Variants in CD226 observed in about 807,000 individuals in gnomAD.
CD226 encodes the protein CD226 molecule.
Under a neutral mutation model 34.9 loss-of-function variants are expected in CD226, and 24 were observed. The observed-to-expected ratio is 0.69, with a 90% CI of 0.50 to 0.97. The LOEUF is 0.97. Ranked by LOEUF, CD226 falls within the 50% of genes least tolerant of loss-of-function variation. CD226 has a pLI of 0.00. For missense variants in CD226, 397 were observed against 412.7 expected (o/e 0.96, Z 0.33); for synonymous variants, 148 against 147.4 (o/e 1.00, Z -0.03).
intron 3 of CD226, among the ~76,000 whole-genome samples, chr18:69,887,605 T>C (rs998126030): frequency 6.6e-6 from 1 of 152,190 alleles, no homozygotes; most frequent in African/African-American, 2.4e-5. Flanking sequence ...TCACTCACTG[T>C]CCAACATAGC....
intron 2 of CD226, among the ~76,000 whole-genome samples, chr18:69,946,024 T>A (rs1322039403): frequency 2.6e-5 from 4 of 151,162 alleles, no homozygotes; most frequent in African/African-American, 7.3e-5. Context: ...CCACAACACA[T>A]GGGAATTCAA....
chr18:69,864,294 C>A lies in CD226; in HGVS notation c.*20G>T, dbSNP rs1982995377. ...GAGTACATAAGAGTCATTACTAATG[C>A]ACTCATGTCAAGAATAAGCTTAAAC... On this transcript the variant is annotated 3_prime_UTR_variant, in exon 6 of 6. Transcript: ENST00000582621. 1.2e-6 allele frequency: 2 copies of A among 1,611,916 alleles called. No individual in the cohort carries two copies. The highest frequency in any genetic ancestry group is 2.2e-5 in the East Asian group (1 of 44,814).
chr18:69,883,593 T>A (rs1984390038), intron 3 of CD226, among the ~76,000 whole-genome samples: 1 of 152,186 alleles, frequency 6.6e-6, no homozygotes, highest in Non-Finnish European at 1.5e-5. Context: ...ATTCTTTCCA[T>A]CTAAAAATGA....
chr18:69,866,318 T>C (rs767926842), intron 5 of CD226, among the ~76,000 whole-genome samples: 1 of 152,086 alleles, frequency 6.6e-6, no homozygotes, highest in Non-Finnish European at 1.5e-5. Context: ...ATGCTATGCA[T>C]TAAAGGAAGA....
chr18:69,946,891 A>G lies in CD226; in HGVS notation c.225T>C (p.Tyr75=), dbSNP rs764182003. The change falls in exon 2 of 6, where the codon TAT becomes TAC. Residue 75 remains tyrosine (Y), a synonymous_variant. Transcript: ENST00000582621. Reference sequence around the variant, plus strand: ...AATTCAAAAAGTAAACCCTCTCAGCATAGGGCTTCCTTATGACCATGCCAT... The same window carrying G: ...AATTCAAAAAGTAAACCCTCTCAGCGTAGGGCTTCCTTATGACCATGCCAT... ...PTHGMVIRKP[Y]AERVYFLNST... 2 of 1,614,038 alleles carry G rather than the reference A, an allele frequency of 1.2e-6. No individual in the cohort carries two copies. Among genetic ancestry groups the G allele is most frequent in the African/African-American group, 2.7e-5 (2 of 74,914 alleles).
Position 69,853,469 on chromosome 18 carries a change from C to T in CD226, c.*10845G>A, listed in dbSNP as rs1982530490. 6.6e-6 allele frequency: 1 copy of T among 152,178 alleles called. No homozygotes were observed. Among genetic ancestry groups the T allele is most frequent in the Non-Finnish European group, 1.5e-5 (1 of 68,034 alleles). The allele number at this position is 152,178 out of a possible 1,614,324, so 9.4% of individuals were successfully genotyped here. On this transcript the variant is annotated 3_prime_UTR_variant, in exon 6 of 6. Coordinates refer to ENST00000582621, the MANE Select transcript of CD226 (RefSeq NM_001303618.2). Reference sequence around the variant, plus strand: ...TATAGACATAGAACCCTTGACAATGCTTTACTTCTGTGGCTCCTCTTACCC... The same window carrying T: ...TATAGACATAGAACCCTTGACAATGTTTTACTTCTGTGGCTCCTCTTACCC...
chr18:69,886,024 T>C (rs1340496642), intron 3 of CD226, among the ~76,000 whole-genome samples: 1 of 152,142 alleles, frequency 6.6e-6, no homozygotes, highest in East Asian at 1.9e-4. Context: ...GCTCTGTAGC[T>C]CCACCGTCAC....
chr18:69,939,083 C>G (rs761888491), intron 2 of CD226, among the ~76,000 whole-genome samples: 2 of 152,072 alleles, frequency 1.3e-5, no homozygotes, highest in Non-Finnish European at 2.9e-5. Flanking sequence ...GAGACTCTGT[C>G]TCAAAAAAGG....
At chr18:69,878,586 G>C (rs1277465375) in intron 3 of CD226, among the ~76,000 whole-genome samples, 1 of 152,072 alleles carries the variant, frequency 6.6e-6, no homozygotes, top group East Asian at 1.9e-4. Context: ...CTAAATAACT[G>C]GGCCAAAGAA....
intron 3 of CD226, among the ~76,000 whole-genome samples, chr18:69,888,278 G>C (rs1381449633): frequency 6.6e-6 from 1 of 152,122 alleles, no homozygotes; most frequent in Non-Finnish European, 1.5e-5. Context: ...ACAACCTCAA[G>C]CTGTTAACAA....
chr18:69,888,177 A>G (rs1452682590), intron 3 of CD226, among the ~76,000 whole-genome samples: 1 of 152,198 alleles, frequency 6.6e-6, no homozygotes, highest in Non-Finnish European at 1.5e-5. Flanking sequence ...TATAAGAATA[A>G]CTTATTTTAC....
intron 2 of CD226, among the ~76,000 whole-genome samples, chr18:69,930,249 G>A (rs886231626): frequency 2.0e-5 from 3 of 152,172 alleles, no homozygotes; most frequent in African/African-American, 7.2e-5. Context: ...GATATGAGGT[G>A]TCTATTTTGC....
intron 3 of CD226, among the ~76,000 whole-genome samples, chr18:69,873,800 G>C (rs1298387391): frequency 4.6e-5 from 7 of 152,168 alleles, no homozygotes; most frequent in Admixed American, 2.0e-4. Flanking sequence ...GAACCCCAGA[G>C]GCGGAGCTTG....
intron 3 of CD226, among the ~76,000 whole-genome samples, chr18:69,890,727 T>A (rs926290465): frequency 6.6e-5 from 10 of 151,978 alleles, no homozygotes; most frequent in African/African-American, 2.4e-4. Context: ...CAAACTGAGA[T>A]TCAAATCATG....
upstream of CD226, among the ~76,000 whole-genome samples, chr18:69,961,150 C>T (rs183347852): frequency 3.2e-4 from 49 of 152,224 alleles, no homozygotes; most frequent in African/African-American, 1.1e-3. Flanking sequence ...AAAATTTACA[C>T]GTGTATGTAT....
At chr18:69,899,900 C>T (rs1219922385) in intron 2 of CD226, among the ~76,000 whole-genome samples, 2 of 152,180 alleles carry the variant, frequency 1.3e-5, no homozygotes, top group Non-Finnish European at 1.5e-5. Flanking sequence ...AGCAGAACTA[C>T]CATTTGACCC....
At chr18:69,945,618 C>T (rs943795168) in intron 2 of CD226, among the ~76,000 whole-genome samples, 3 of 152,078 alleles carry the variant, frequency 2.0e-5, no homozygotes, top group African/African-American at 7.2e-5. Flanking sequence ...CTCTGGGAGG[C>T]CGAGGCAGTT....
At chr18:69,940,437 G>A (rs747207070) in intron 2 of CD226, among the ~76,000 whole-genome samples, 2 of 152,256 alleles carry the variant, frequency 1.3e-5, no homozygotes, top group African/African-American at 2.4e-5. Context: ...ACAGGAAAAT[G>A]TGGGAAATTT....
intron 2 of CD226, among the ~76,000 whole-genome samples, chr18:69,897,411 C>T (rs555599956): frequency 1.3e-5 from 2 of 152,288 alleles, no homozygotes; most frequent in South Asian, 2.1e-4. Context: ...GTGATGAACA[C>T]CTTCTTTCTT....
Sources: gnomAD v4.1 joint callset for allele counts (sites outside exome capture counted in the v4.1 genomes callset) on GRCh38, gnomAD v4.1.1 for gene constraint, MANE v1.5 for transcripts, NCBI Gene and HGNC (gene_info 2026-07-23, HGNC 2026-07-21) for gene names.